The following SULT2B1 variants were observed in gnomAD, a reference collection of about 807,000 sequenced individuals.
SULT2B1 encodes the protein sulfotransferase family 2B member 1, also known as sulfotransferase 2B1.
In SULT2B1, 16 loss-of-function variants were observed where a neutral mutation model predicts 33.2. That is an observed-to-expected ratio of 0.48 (90% confidence interval 0.33 to 0.73). The LOEUF (loss-of-function observed/expected upper bound fraction) is 0.73, where lower values mean the gene tolerates loss of function less well. Among genes scored for constraint, SULT2B1 ranks in the 30% least tolerant of loss-of-function variants. The pLI, the probability that SULT2B1 is intolerant of heterozygous loss-of-function variation, is 0.02. For synonymous variants in SULT2B1, 186 were observed against 200.5 expected, an observed-to-expected ratio of 0.93 and a Z score of 0.61; for missense variants, 500 against 506.0, an observed-to-expected ratio of 0.99 and a Z score of 0.11.
At chr19:48,581,158 T>C (rs1346912313) in intron 2 of SULT2B1, among the ~76,000 whole-genome samples, 1 of 140,708 alleles carries the variant, frequency 7.1e-6, no homozygotes, top group Non-Finnish European at 1.5e-5. Context: ...TGCCTCAGCC[T>C]CCCTAGTAGC....
At chr19:48,577,091 T>G (rs562335306) in intron 2 of SULT2B1, among the ~76,000 whole-genome samples, 86 of 139,716 alleles carry the variant, frequency 6.2e-4, no homozygotes, top group Non-Finnish European at 9.5e-4. Flanking sequence ...TGGAGTATAG[T>G]GGCATGATCT....
intron 1 of SULT2B1, among the ~76,000 whole-genome samples, chr19:48,563,903 G>A (rs541459354): frequency 4.6e-5 from 7 of 150,908 alleles, no homozygotes; most frequent in Non-Finnish European, 1.0e-4. Context: ...AGGCAAGGTT[G>A]CAGTGAGCCA....
chr19:48,582,856 A>G (rs894036700), intron 2 of SULT2B1, among the ~76,000 whole-genome samples: 5 of 150,408 alleles, frequency 3.3e-5, no homozygotes, highest in East Asian at 2.0e-4. Flanking sequence ...ATAAAATGAA[A>G]AAAGAATTAT....
intron 2 of SULT2B1, among the ~76,000 whole-genome samples, chr19:48,576,359 C>CTTTTCTTTCTTTTTTTTTTTTTTTT: frequency 0.023 from 2,170 of 96,328 alleles, 309 homozygotes; most frequent in Non-Finnish European, 0.03. Flanking sequence ...CTCTACTTCT[C>CTTTTCTTTCTTTTTTTTTTTTTTTT]TTTTTTTTTT....
intron 1 of SULT2B1, among the ~76,000 whole-genome samples, chr19:48,564,551 CAAAAA>C (rs770217698): frequency 1.7e-5 from 1 of 57,634 alleles, no homozygotes; most frequent in South Asian, 7.3e-4. Context: ...GACTCCGTCT[CAAAAA>C]AAAAAAAAAA....
intron 2 of SULT2B1, among the ~76,000 whole-genome samples, chr19:48,586,928 T>C (rs1973567907): frequency 6.6e-6 from 1 of 151,972 alleles, no homozygotes; most frequent in African/African-American, 2.4e-5. Flanking sequence ...CTGGCCAACA[T>C]GGGGAGACCT....
At chr19:48,588,012 C>T (rs1024976852) in intron 3 of SULT2B1, among the ~76,000 whole-genome samples, 1 of 150,582 alleles carries the variant, frequency 6.6e-6, no homozygotes, top group African/African-American at 2.4e-5. Context: ...GAGTTCAATA[C>T]CAGCTTGGCC....
At chr19:48,553,185 C>T (rs1601081714) in intron 1 of SULT2B1, among the ~76,000 whole-genome samples, 1 of 152,180 alleles carries the variant, frequency 6.6e-6, no homozygotes, top group Admixed American at 6.5e-5. Flanking sequence ...TCCAACCCCT[C>T]GTATCTTGCA....
At position 48,590,111 on chromosome 19, in the gene SULT2B1, C is replaced by T. The variant is rs952092507; in HGVS notation, c.424-1498C>T. ...CAAGCGATTCTCTTGCCTCAGCCTC[C>T]CAAATAGCTGGGATTACAGGCGCCC... On this transcript the variant is annotated intron_variant, in intron 3 of 6. Transcript: ENST00000201586. Among the ~76,000 whole-genome samples, 127 of 152,140 alleles carry T rather than the reference C, an allele frequency of 8.3e-4. 1 individual carries two copies. The highest frequency in any genetic ancestry group is 2.9e-3 in the African/African-American group (120 of 41,566).
At chr19:48,585,053 A>C (rs1448205856) in intron 2 of SULT2B1, among the ~76,000 whole-genome samples, 2 of 148,694 alleles carry the variant, frequency 1.3e-5, no homozygotes, top group Admixed American at 1.3e-4. Context: ...CTTCTCAAAA[A>C]AAAAAAAAAA....
chr19:48,585,591 A>T (rs1192759542), intron 2 of SULT2B1, among the ~76,000 whole-genome samples: 2 of 149,296 alleles, frequency 1.3e-5, no homozygotes, highest in Non-Finnish European at 3.0e-5. Flanking sequence ...ATCACTTGAA[A>T]CCGGGAGGCG....
chr19:48,555,248 T>A (rs955409053), intron 1 of SULT2B1, among the ~76,000 whole-genome samples: 1 of 151,334 alleles, frequency 6.6e-6, no homozygotes, highest in Non-Finnish European at 1.5e-5. Flanking sequence ...CCCGCCACCA[T>A]GCCTGGCTAA....
chr19:48,591,812 G>A, intron 4 of SULT2B1, 77 bp downstream of exon 4: 5 of 1,459,522 alleles, frequency 3.4e-6, no homozygotes, highest in South Asian at 2.8e-5. Context: ...GGACAGAGGA[G>A]GGGTAAGAAA....
chr19:48,593,935 G>A (rs952867745), intron 5 of SULT2B1, among the ~76,000 whole-genome samples: 1 of 151,676 alleles, frequency 6.6e-6, no homozygotes, highest in African/African-American at 2.4e-5. Flanking sequence ...TATATAACTG[G>A]TCGGCCCCGC....
At chr19:48,595,654 GGTTTTTTT>G (rs1973701705) in intron 5 of SULT2B1, 5 of 140,118 alleles carry the variant, frequency 3.6e-5, no homozygotes, top group South Asian at 2.2e-4. Context: ...CTGTTTTTTG[GGTTTTTTT>G]TTGTTGTTTT....
At chr19:48,592,195 G>C (rs952602833) in intron 4 of SULT2B1, among the ~76,000 whole-genome samples, 1 of 152,178 alleles carries the variant, frequency 6.6e-6, no homozygotes, top group African/African-American at 2.4e-5. Flanking sequence ...GGGAGGCTGA[G>C]ACAGGAGAAT....
rs912901020 is a variant in SULT2B1, at chr19:48,580,080, C to T, written c.214+3997C>T. 6.0e-5 allele frequency among the ~76,000 whole-genome samples: 9 copies of T among 149,784 alleles called. No individual in the cohort carries two copies. The South Asian group carries it at 6.5e-4, about 11-fold the overall frequency. ...CTGGGACGACAAGTGCACACCACCA[C>T]GCCCAGCTAATTAAAAAAACTTTTT... On this transcript the variant is annotated intron_variant, in intron 2 of 6. Transcript: ENST00000201586.
chr19:48,554,132 T>G (rs1312122652), intron 1 of SULT2B1, among the ~76,000 whole-genome samples: 1 of 152,084 alleles, frequency 6.6e-6, no homozygotes, highest in East Asian at 1.9e-4. Context: ...CCAGCCCTGA[T>G]GGCTGCAGAG....
chr19:48,569,211 G>C (rs1383025329), intron 1 of SULT2B1, among the ~76,000 whole-genome samples: 2 of 151,170 alleles, frequency 1.3e-5, no homozygotes, highest in Non-Finnish European at 2.9e-5. Flanking sequence ...GCGTGGTGGC[G>C]GGCGCCTGTA....
Sources: allele counts gnomAD v4.1 joint callset (sites outside exome capture counted in the v4.1 genomes callset), GRCh38; gene constraint gnomAD v4.1.1; transcripts MANE v1.5; gene names NCBI Gene and HGNC (gene_info 2026-07-23, HGNC 2026-07-21).